CADM2: variants seen among roughly 807,000 people sequenced by gnomAD.
CADM2 encodes the protein cell adhesion molecule 2.
A neutral mutation model predicts 49.8 loss-of-function variants in CADM2; 12 were observed. That is an observed-to-expected ratio of 0.24 (90% confidence interval 0.15 to 0.39). CADM2 has a LOEUF of 0.39. Among genes scored for constraint, CADM2 ranks in the 10% least tolerant of loss-of-function variants. The pLI, the probability that CADM2 is intolerant of heterozygous loss-of-function variation, is 1.00. For synonymous variants in CADM2, 214 were observed against 175.4 expected (o/e 1.22, Z -1.74); for missense variants, 378 against 492.3 (o/e 0.77, Z 2.20).
intron 1 of CADM2, among the ~76,000 whole-genome samples, chr3:85,294,264 A>G (rs1320955900): frequency 6.6e-6 from 1 of 152,196 alleles, no homozygotes; most frequent in Non-Finnish European, 1.5e-5. Context: ...GGAGAACTAC[A>G]AAGCACTGCT....
chr3:85,428,463 T>C lies in CADM2; in HGVS notation c.62-298059T>C, dbSNP rs1351733828. 2.1e-5 allele frequency among the ~76,000 whole-genome samples: 3 copies of C among 145,870 alleles called. No individual in the cohort carries two copies. In the East Asian group the frequency reaches 5.9e-4, roughly 29 times the overall value. ...ATAGATATATATGATATATATGATA[T>C]GTATCATACTAATATATACTAATAC... On this transcript the variant is annotated intron_variant, in intron 1 of 9. Transcript: ENST00000383699.
chr3:85,589,841 A>G (rs753590821), intron 1 of CADM2, among the ~76,000 whole-genome samples: 1 of 152,062 alleles, frequency 6.6e-6, no homozygotes, highest in Non-Finnish European at 1.5e-5. Context: ...GAATGAGAAC[A>G]AATTTACTGA....
At chr3:85,034,881 C>T (rs1282537408) in intron 1 of CADM2, among the ~76,000 whole-genome samples, 1 of 147,572 alleles carries the variant, frequency 6.8e-6, no homozygotes, top group East Asian at 2.0e-4. Context: ...TGGCTCACTG[C>T]AACCTCCACC....
intron 1 of CADM2, among the ~76,000 whole-genome samples, chr3:85,566,468 T>A (rs1356699702): frequency 6.6e-6 from 1 of 152,174 alleles, no homozygotes. Flanking sequence ...TCAAATAAGA[T>A]GCCTTGTTGA....
intron 5 of CADM2, 63 bp downstream of exon 5, chr3:85,886,390 A>ATGCTGTAATGT: frequency 7.8e-7 from 1 of 1,274,448 alleles, no homozygotes; most frequent in Non-Finnish European, 1.1e-6. Flanking sequence ...ATGTTAAGAA[A>ATGCTGTAATGT]AAGGCATTTT....
At chr3:85,749,919 A>T (rs1211399668) in intron 2 of CADM2, among the ~76,000 whole-genome samples, 2 of 151,972 alleles carry the variant, frequency 1.3e-5, no homozygotes, top group African/African-American at 2.4e-5. Context: ...TGCTTTGTGT[A>T]TGGTATTAGA....
At chr3:85,677,224 A>G (rs1425816000) in intron 1 of CADM2, among the ~76,000 whole-genome samples, 1 of 144,140 alleles carries the variant, frequency 6.9e-6, no homozygotes, top group African/African-American at 2.8e-5. Context: ...TTTAGGATTA[A>G]TTGTCATTCA....
At chr3:85,790,659 G>C (rs1244440419) in intron 2 of CADM2, among the ~76,000 whole-genome samples, 1 of 152,174 alleles carries the variant, frequency 6.6e-6, no homozygotes, top group African/African-American at 2.4e-5. Context: ...AATGGCCATA[G>C]TGAACGCTAG....
At chr3:85,246,362 G>A (rs1056145018) in intron 1 of CADM2, among the ~76,000 whole-genome samples, 1 of 151,852 alleles carries the variant, frequency 6.6e-6, no homozygotes, top group African/African-American at 2.4e-5. Context: ...GAGTTAATGG[G>A]TGCAGCACAC....
Position 85,609,137 on chromosome 3 carries a change from T to C in CADM2, c.62-117385T>C, listed in dbSNP as rs114302141. On this transcript the variant is annotated intron_variant, in intron 1 of 9. Coordinates refer to ENST00000383699, the MANE Select transcript of CADM2 (RefSeq NM_001167675.2). The stretch of plus-strand genomic sequence containing the variant: ...GCAGATCTCCCATTTCCTCACCTGC[T>C]TGTGAGAGAAGCCCACTCCTGGTGT... Among the ~76,000 whole-genome samples the C allele has an allele frequency of 5.4e-3, 815 of 152,118 alleles. 2 individuals carry two copies. The highest frequency in any genetic ancestry group is 0.01 in the Middle Eastern group (3 of 294).
intron 1 of CADM2, among the ~76,000 whole-genome samples, chr3:85,034,505 G>A (rs1024035467): frequency 1.3e-5 from 2 of 152,104 alleles, no homozygotes; most frequent in African/African-American, 4.8e-5. Context: ...TATGCTGATG[G>A]ACACTTAGTT....
chr3:85,406,526 A>G (rs910626502), intron 1 of CADM2, among the ~76,000 whole-genome samples: 1 of 152,172 alleles, frequency 6.6e-6, no homozygotes, highest in Non-Finnish European at 1.5e-5. Flanking sequence ...ACGTGTTTGT[A>G]TTACTCTTCG....
At chr3:85,399,463 C>CT (rs1559820072) in intron 1 of CADM2, among the ~76,000 whole-genome samples, 1 of 152,146 alleles carries the variant, frequency 6.6e-6, no homozygotes, top group African/African-American at 2.4e-5. Flanking sequence ...AATGCGGGCT[C>CT]TTTTTTGGTT....
chr3:85,248,198 T>C (rs568439294), intron 1 of CADM2, among the ~76,000 whole-genome samples: 14 of 152,314 alleles, frequency 9.2e-5, no homozygotes, highest in African/African-American at 2.9e-4. Flanking sequence ...TGGCATTGCA[T>C]GCAGCACGAT....
intron 1 of CADM2, among the ~76,000 whole-genome samples, chr3:85,529,081 GA>G (rs892120352): frequency 4.0e-5 from 6 of 151,738 alleles, no homozygotes; most frequent in East Asian, 1.9e-4. Flanking sequence ...TTAAAGTTCA[GA>G]AAAAAAATGG....
intron 1 of CADM2, among the ~76,000 whole-genome samples, chr3:85,238,575 T>C (rs989351108): frequency 1.3e-5 from 2 of 151,854 alleles, no homozygotes; most frequent in Admixed American, 1.3e-4. Flanking sequence ...AAAAGTCAAC[T>C]AGCCAGATCA....
intron 1 of CADM2, 115 bp from the exon 2 acceptor site, chr3:85,726,407 C>T: frequency 1.8e-6 from 2 of 1,115,590 alleles, no homozygotes. Flanking sequence ...ATCATGAAAT[C>T]ACAAATGTAC....
chr3:85,348,435 A>G (rs903453254), intron 1 of CADM2, among the ~76,000 whole-genome samples: 2 of 152,246 alleles, frequency 1.3e-5, no homozygotes, highest in African/African-American at 4.8e-5. Context: ...CCCATGGCTC[A>G]GTCAAGTTAC....
chr3:85,384,345 T>C (rs2034086586), intron 1 of CADM2, among the ~76,000 whole-genome samples: 1 of 152,124 alleles, frequency 6.6e-6, no homozygotes, highest in African/African-American at 2.4e-5. Flanking sequence ...AGATGGAGTT[T>C]TGTTCTTGTT....
Sources: allele counts gnomAD v4.1 joint callset (sites outside exome capture counted in the v4.1 genomes callset), GRCh38; gene constraint gnomAD v4.1.1; transcripts MANE v1.5; gene names NCBI Gene and HGNC (gene_info 2026-07-23, HGNC 2026-07-21).